Variants in ATE1 observed in about 807,000 individuals in gnomAD.
The protein encoded by ATE1 is arginyltransferase 1, also known as arginyl-tRNA--protein transferase 1.
A neutral mutation model predicts 70.5 loss-of-function variants in ATE1; 36 were observed. The ratio of observed to expected loss-of-function variants is 0.51; its 90% CI spans 0.39 to 0.67. The LOEUF is 0.67. ATE1 is among the 30% of genes least tolerant of loss of function. ATE1 has a pLI of 0.00. For synonymous variants in ATE1, 232 were observed against 219.3 expected (o/e 1.06, Z -0.51); for missense variants, 593 against 629.5 (o/e 0.94, Z 0.62).
chr10:121,904,371 G>A (rs1489482735), intron 5 of ATE1, among the ~76,000 whole-genome samples: 6 of 151,792 alleles, frequency 4.0e-5, no homozygotes, highest in Non-Finnish European at 7.4e-5. Context: ...GCCCGGTGCA[G>A]TGGCTCATGC....
intron 11 of ATE1, among the ~76,000 whole-genome samples, chr10:121,755,789 C>T (rs1944774565): frequency 1.3e-5 from 2 of 152,192 alleles, no homozygotes; most frequent in African/African-American, 2.4e-5. Flanking sequence ...GACCCACCCC[C>T]ATAACTCACC....
chr10:121,868,363 A>G (rs1323681059), intron 8 of ATE1, among the ~76,000 whole-genome samples: 1 of 152,196 alleles, frequency 6.6e-6, no homozygotes, highest in African/African-American at 2.4e-5. Flanking sequence ...CCTTTTAGCT[A>G]TATTTGTTTT....
chr10:121,788,156 T>C (rs1946289866), intron 11 of ATE1, among the ~76,000 whole-genome samples: 1 of 152,028 alleles, frequency 6.6e-6, no homozygotes, highest in Non-Finnish European at 1.5e-5. Context: ...GAGAGGAGAG[T>C]AGATAAGTAT....
chr10:121,849,434 T>C (rs1233985710), intron 8 of ATE1, among the ~76,000 whole-genome samples: 1 of 152,196 alleles, frequency 6.6e-6, no homozygotes, highest in African/African-American at 2.4e-5. Context: ...TTTGTTCTCC[T>C]CTGAGTCCAG....
intron 3 of ATE1, among the ~76,000 whole-genome samples, chr10:121,920,741 T>C (rs1482789235): frequency 6.6e-6 from 1 of 152,164 alleles, no homozygotes; most frequent in African/African-American, 2.4e-5. Context: ...ACGCCTGTAA[T>C]ATCAGCACTT....
chr10:121,753,021 G>T (rs1696852), intron 11 of ATE1, among the ~76,000 whole-genome samples: 146,912 of 152,318 alleles, frequency 0.96, 71,036 homozygotes, highest in East Asian at 1. Flanking sequence ...TAATTTCTTT[G>T]AACAATGTTT....
In ATE1 at chr10:121,778,015, A is replaced by G. The variant is rs149518598; in HGVS notation, c.1378+12154T>C. ...ATCTGTAATTTGCATTTAAACCTTTAAAGAAGAAACAGATGTTACTTTAAT... is the reference window on the plus strand; with the variant it reads ...ATCTGTAATTTGCATTTAAACCTTTGAAGAAGAAACAGATGTTACTTTAAT... On this transcript the variant is annotated intron_variant, in intron 11 of 11. Transcript: ENST00000224652. Among the ~76,000 whole-genome samples, 3 of 152,356 alleles carry G rather than the reference A, an allele frequency of 2.0e-5. No individual in the cohort carries two copies. The East Asian group carries it at 5.8e-4, about 29-fold the overall frequency.
chr10:121,872,036 G>A (rs1055415652), intron 7 of ATE1, among the ~76,000 whole-genome samples: 2 of 152,184 alleles, frequency 1.3e-5, no homozygotes, highest in African/African-American at 4.8e-5. Flanking sequence ...GGAGAAAAAT[G>A]AGGCATGGTA....
intron 10 of ATE1, among the ~76,000 whole-genome samples, chr10:121,825,403 A>G (rs549363775): frequency 6.6e-6 from 1 of 152,326 alleles, no homozygotes; most frequent in South Asian, 2.1e-4. Context: ...GCTTAGGCAG[A>G]AATTTTAAAA....
intron 3 of ATE1, among the ~76,000 whole-genome samples, chr10:121,918,826 T>C (rs1375766919): frequency 2.6e-5 from 4 of 151,604 alleles, no homozygotes; most frequent in Non-Finnish European, 5.9e-5. Context: ...GGGGGGGACG[T>C]GAAGAACTTT....
chr10:121,916,685 A>T (rs529562238), intron 3 of ATE1, among the ~76,000 whole-genome samples: 1 of 152,154 alleles, frequency 6.6e-6, no homozygotes, highest in African/African-American at 2.4e-5. Context: ...AATACAAAAA[A>T]TTAGCCAGGT....
chr10:121,850,528 C>A (rs1949014209), intron 8 of ATE1, among the ~76,000 whole-genome samples: 1 of 152,182 alleles, frequency 6.6e-6, no homozygotes, highest in Admixed American at 6.5e-5. Context: ...AAAAGGTAAT[C>A]ATGTCTTGGT....
chr10:121,898,940 G>T (rs140778802), intron 7 of ATE1: 8 of 1,613,822 alleles, frequency 5.0e-6, no homozygotes, highest in South Asian at 4.4e-5. Context: ...TGAACTCTGG[G>T]TCCTCAAAGG....
intron 7 of ATE1, among the ~76,000 whole-genome samples, chr10:121,894,665 T>C (rs1475558143): frequency 6.6e-6 from 1 of 151,964 alleles, no homozygotes; most frequent in Admixed American, 6.6e-5. Flanking sequence ...TTTGGGAGGC[T>C]GAGGCAGGCA....
At chr10:121,784,637 C>T (rs967700378) in intron 11 of ATE1, among the ~76,000 whole-genome samples, 1 of 152,106 alleles carries the variant, frequency 6.6e-6, no homozygotes, top group African/African-American at 2.4e-5. Context: ...GCGGGTGGAT[C>T]GCCTGAGGTC....
At chr10:121,840,086 A>G (rs1187784468) in intron 9 of ATE1, among the ~76,000 whole-genome samples, 1 of 152,176 alleles carries the variant, frequency 6.6e-6, no homozygotes, top group African/African-American at 2.4e-5. Context: ...ACATATACAC[A>G]TAGACAAACA....
chr10:121,906,636 T>C (rs954416923), intron 5 of ATE1, among the ~76,000 whole-genome samples: 13 of 151,998 alleles, frequency 8.6e-5, no homozygotes, highest in African/African-American at 3.1e-4. Flanking sequence ...CCTCACTCTG[T>C]CACCCAGGCT....
chr10:121,843,550 G>C (rs1411111137), intron 8 of ATE1, among the ~76,000 whole-genome samples: 1 of 152,150 alleles, frequency 6.6e-6, no homozygotes, highest in African/African-American at 2.4e-5. Flanking sequence ...CTATAAACCT[G>C]TAATAATCAA....
At chr10:121,849,353 G>C (rs1174401324) in intron 8 of ATE1, among the ~76,000 whole-genome samples, 1 of 152,088 alleles carries the variant, frequency 6.6e-6, no homozygotes, top group Non-Finnish European at 1.5e-5. Flanking sequence ...TACCTTCTCA[G>C]TTTCTGATTT....
Sources: gnomAD v4.1 joint callset for allele counts (sites outside exome capture counted in the v4.1 genomes callset) on GRCh38, gnomAD v4.1.1 for gene constraint, MANE v1.5 for transcripts, NCBI Gene and HGNC (gene_info 2026-07-23, HGNC 2026-07-21) for gene names.